Variants in DHDH observed in about 807,000 individuals in gnomAD.
DHDH encodes the protein trans-1,2-dihydrobenzene-1,2-diol dehydrogenase.
In DHDH, 29 loss-of-function variants were observed where a neutral mutation model predicts 33.2. That is an observed-to-expected ratio of 0.87 (90% CI 0.65 to 1.19). The LOEUF (loss-of-function observed/expected upper bound fraction) is 1.19, where lower values mean the gene tolerates loss of function less well. DHDH is among the 50% of genes most tolerant of loss of function. The probability of loss-of-function intolerance (pLI) is 0.00; values close to 1 mark genes in which losing one functional copy is unlikely to be tolerated. For missense variants in DHDH, 431 were observed against 455.0 expected, an observed-to-expected ratio of 0.95 and a Z score of 0.48; for synonymous variants, 201 against 187.9, an observed-to-expected ratio of 1.07 and a Z score of -0.57.
chr19:48,938,320 C>T (rs1345878018), intron 3 of DHDH, among the ~76,000 whole-genome samples: 2 of 152,134 alleles, frequency 1.3e-5, no homozygotes, highest in Admixed American at 6.6e-5. Flanking sequence ...TGGTCTGGAA[C>T]TTCTGACCTC....
At chr19:48,942,892 T>C (rs1360755465) in intron 5 of DHDH, among the ~76,000 whole-genome samples, 2 of 151,556 alleles carry the variant, frequency 1.3e-5, no homozygotes, top group African/African-American at 4.8e-5. Context: ...CCATCTCTAC[T>C]AAAAATACAA....
chr19:48,935,412 T>G (rs2037757718), intron 2 of DHDH, among the ~76,000 whole-genome samples: 1 of 152,136 alleles, frequency 6.6e-6, no homozygotes, highest in African/African-American at 2.4e-5. Flanking sequence ...TCCCAGCTAC[T>G]GGGGAGGCTG....
chr19:48,935,795 C>T (rs779849658), intron 2 of DHDH, among the ~76,000 whole-genome samples: 5 of 151,040 alleles, frequency 3.3e-5, no homozygotes, highest in African/African-American at 4.9e-5. Context: ...CCAGCCTGGG[C>T]GAAGAGTGAG....
chr19:48,944,903 T>G lies in DHDH; in HGVS notation c.975T>G (p.Ile325Met). The G allele has an allele frequency of 6.2e-7, 1 of 1,614,116 alleles. No individual in the cohort carries two copies. The highest frequency in any genetic ancestry group is 8.5e-7 in the Non-Finnish European group (1 of 1,180,032). Reference sequence around the variant, plus strand: ...TCCTTGAAGAGGTGAGGAAGGCCATTGGAGTCACCTTCCCCCAAGACAAAC... The same window carrying G: ...TCCTTGAAGAGGTGAGGAAGGCCATGGGAGTCACCTTCCCCCAAGACAAAC... Reference protein sequence around the residue: ...ADILEEVRKAIGVTFPQDKR With the variant: ...ADILEEVRKAMGVTFPQDKR Residue 325 changes from isoleucine to methionine, a missense_variant, in exon 7 of 7, where the codon ATT (isoleucine) becomes ATG (methionine). Ile to Met is a conservative substitution (Grantham distance 10). Coordinates refer to ENST00000221403, the MANE Select transcript of DHDH (RefSeq NM_014475.4).
intron 3 of DHDH, among the ~76,000 whole-genome samples, chr19:48,939,095 C>T (rs1307092709): frequency 6.6e-6 from 1 of 151,960 alleles, no homozygotes; most frequent in East Asian, 1.9e-4. Context: ...GGGAGAGAGA[C>T]ACAATTCATC....
intron 5 of DHDH, 36 bp from the exon 6 acceptor site, chr19:48,944,321 G>T (rs1476926656): frequency 2.5e-6 from 4 of 1,612,488 alleles, no homozygotes; most frequent in Non-Finnish European, 3.4e-6. Context: ...AGCACCGTTG[G>T]TGAAGGCAGC....
At position 48,939,594 on chromosome 19, in the gene DHDH, G is replaced by C. The variant is rs951504808; in HGVS notation, c.512G>C (p.Gly171Ala). The change falls in exon 4 of 7, where the codon GGG becomes GCG. Residue 171 changes from glycine to alanine, a missense_variant. Transcript: ENST00000221403. ...VPRAVDRAQA[G>A]GALLDIGIYC... The stretch of plus-strand genomic sequence containing the variant: ...CGGGCCGTAGACCGGGCCCAGGCTG[G>C]GGGGGCCCTGCTGGACATCGGCATC... 6 of 1,613,838 alleles carry C rather than the reference G, an allele frequency of 3.7e-6. No homozygotes were observed. The African/African-American group carries it at 6.7e-5, about 18-fold the overall frequency.
intron 3 of DHDH, among the ~76,000 whole-genome samples, chr19:48,936,480 G>A (rs1213129566): frequency 9.2e-5 from 14 of 151,856 alleles, no homozygotes; most frequent in Non-Finnish European, 1.5e-4. Flanking sequence ...GCGGAGCACG[G>A]GGTCAGGAGA....
At chr19:48,941,622 A>G (rs939861577) in intron 4 of DHDH, among the ~76,000 whole-genome samples, 1 of 150,412 alleles carries the variant, frequency 6.6e-6, no homozygotes, top group South Asian at 2.1e-4. Flanking sequence ...GGCTCAAGCA[A>G]TACACACATT....
At position 48,941,727 on chromosome 19, in the gene DHDH, G is replaced by A. The variant is rs377374905; in HGVS notation, c.620-713G>A. On this transcript the variant is annotated intron_variant, in intron 4 of 6. Transcript: ENST00000221403. ...TCTCACTCTGTCACTTAGGCTGAGT[G>A]CAGTGGCACAATCATTGCTCACTGC... Among the ~76,000 whole-genome samples, 91 of 148,954 alleles carry A rather than the reference G, an allele frequency of 6.1e-4. 3 individuals are homozygous for A. The South Asian group carries it at 0.019, about 31-fold the overall frequency.
At position 48,942,505 on chromosome 19, in the gene DHDH, A is replaced by T; in HGVS notation, c.685A>T (p.Ser229Cys). The T allele has an allele frequency of 6.2e-7, 1 of 1,613,878 alleles. No individual in the cohort carries two copies. Among genetic ancestry groups the T allele is most frequent in the Non-Finnish European group, 8.5e-7 (1 of 1,179,944 alleles). ...GGAGGTCCATGGCAGCTTCACCTGC[A>T]GCATCACCGTGCAGCTCTCCAACAC... ...PGEVHGSFTC[S>C]ITVQLSNTAS... The change falls in exon 5 of 7, where the codon AGC becomes TGC. Residue 229 changes from serine (S) to cysteine (C), a missense_variant. Coordinates refer to ENST00000221403, the MANE Select transcript of DHDH (RefSeq NM_014475.4).
At chr19:48,935,883 C>A (rs1196419766) in intron 2 of DHDH, 149 bp from the exon 3 acceptor site, 2 of 764,268 alleles carry the variant, frequency 2.6e-6, no homozygotes, top group Non-Finnish European at 3.9e-6. Context: ...GAGGTAACAG[C>A]CCCTTCCTAA....
chr19:48,933,645 C>A (rs2122237142), upstream of DHDH: 6 of 1,432,470 alleles, frequency 4.2e-6, no homozygotes, highest in Non-Finnish European at 5.9e-6. Context: ...GGGACCCGCC[C>A]CCGGGGTGGG....
At chr19:48,935,471 A>G (rs2037758586) in intron 2 of DHDH, among the ~76,000 whole-genome samples, 1 of 152,054 alleles carries the variant, frequency 6.6e-6, no homozygotes. Context: ...AAGTGAGCCA[A>G]GATCGCGCCA....
chr19:48,941,438 G>A (rs1034007679), intron 4 of DHDH, among the ~76,000 whole-genome samples: 2 of 152,048 alleles, frequency 1.3e-5, no homozygotes, highest in Non-Finnish European at 2.9e-5. Context: ...GTAGAATATA[G>A]TGGTGTGATC....
intron 3 of DHDH, among the ~76,000 whole-genome samples, chr19:48,938,325 G>A (rs2037809073): frequency 6.6e-6 from 1 of 152,088 alleles, no homozygotes; most frequent in Admixed American, 6.6e-5. Flanking sequence ...TGGAACTTCT[G>A]ACCTCAGGTG....
chr19:48,938,822 T>C (rs1165418106), intron 3 of DHDH, among the ~76,000 whole-genome samples: 1 of 152,158 alleles, frequency 6.6e-6, no homozygotes, highest in Non-Finnish European at 1.5e-5. Context: ...AAATTTTTTG[T>C]ATTTTTAATA....
At chr19:48,934,128 C>T (rs1249113347) in intron 1 of DHDH, among the ~76,000 whole-genome samples, 1 of 152,214 alleles carries the variant, frequency 6.6e-6, no homozygotes, top group Non-Finnish European at 1.5e-5. Context: ...AGAAACATGT[C>T]CTGTATTGAA....
chr19:48,939,977 G>A (rs992688467), intron 4 of DHDH, among the ~76,000 whole-genome samples: 1 of 152,156 alleles, frequency 6.6e-6, no homozygotes, highest in African/African-American at 2.4e-5. Context: ...AGTTAATGAA[G>A]TAACTGCTGA....
Sources: gnomAD v4.1 joint callset for allele counts (sites outside exome capture counted in the v4.1 genomes callset) on GRCh38, gnomAD v4.1.1 for gene constraint, MANE v1.5 for transcripts, NCBI Gene and HGNC (gene_info 2026-07-23, HGNC 2026-07-21) for gene names.